Variants in TMPRSS9 observed in about 807,000 individuals in gnomAD.
The protein encoded by TMPRSS9 is transmembrane protease serine 9.
Under a neutral mutation model 111.4 loss-of-function variants are expected in TMPRSS9, and 113 were observed. The ratio of observed to expected loss-of-function variants is 1.01; its 90% CI spans 0.87 to 1.19. TMPRSS9 has a LOEUF of 1.19. TMPRSS9 is among the 50% of genes most tolerant of loss of function. TMPRSS9 has a pLI of 0.00. For synonymous variants in TMPRSS9, 805 were observed against 659.1 expected (o/e 1.22, Z -3.39); for missense variants, 1,803 against 1,513.1 (o/e 1.19, Z -3.18).
exon 14 of TMPRSS9, chr19:2,421,919 G>A (rs532383830): frequency 7.4e-6 from 12 of 1,612,994 alleles, no homozygotes; most frequent in Non-Finnish European, 9.3e-6. Flanking sequence ...CAGGGATCGT[G>A]AGCTGGGGTA....
chr19:2,391,261 T>TAAAAAAAAAAA (rs1555677770), intron 1 of TMPRSS9, among the ~76,000 whole-genome samples: 3 of 75,174 alleles, frequency 4.0e-5, no homozygotes, highest in African/African-American at 1.3e-4. Flanking sequence ...AAAAAAAAAG[T>TAAAAAAAAAAA]TAATTTTAAC....
rs758856472 is a variant in TMPRSS9 at position 2,416,822 on chromosome 19, C to A, written c.2017+13C>A. The A allele has an allele frequency of 6.3e-7, 1 of 1,594,828 alleles. No individual in the cohort carries two copies. Among genetic ancestry groups the A allele is most frequent in the South Asian group, 1.1e-5 (1 of 90,004 alleles). On this transcript the variant is annotated intron_variant, in intron 12 of 17. Transcript: ENST00000648592. ...CAGGAAGGAAATGGTGAGCGCTGCC[C>A]CATCGAGGGGAACGGTGGATTTATT... is the stretch of plus-strand genomic sequence containing the variant.
chr19:2,417,679 C>A (rs1971280879), intron 12 of TMPRSS9, among the ~76,000 whole-genome samples: 1 of 152,076 alleles, frequency 6.6e-6, no homozygotes, highest in South Asian at 2.1e-4. Context: ...CTCACTGGTG[C>A]TTGCTTGCGC....
intron 14 of TMPRSS9, among the ~76,000 whole-genome samples, chr19:2,423,060 T>TAAAA (rs558254831): frequency 3.0e-5 from 4 of 132,834 alleles, no homozygotes; most frequent in African/African-American, 8.3e-5. Flanking sequence ...CTAAAAAAAT[T>TAAAA]AAAAAAAAAA....
At chr19:2,374,807 ATGT>A (rs969555196) in intron 1 of TMPRSS9, among the ~76,000 whole-genome samples, 30 of 152,132 alleles carry the variant, frequency 2.0e-4, no homozygotes, top group African/African-American at 7.2e-4. Context: ...GATAAGCCTG[ATGT>A]TGTGTTGATT....
intron 1 of TMPRSS9, among the ~76,000 whole-genome samples, chr19:2,379,872 AAG>A (rs1970373389): frequency 6.6e-6 from 1 of 150,822 alleles, no homozygotes; most frequent in Admixed American, 6.6e-5. Flanking sequence ...CCTCAGCCTC[AAG>A]AGTAGCTGGG....
chr19:2,418,108 C>T, exon 13 of TMPRSS9: 2 of 1,612,112 alleles, frequency 1.2e-6, no homozygotes, highest in Non-Finnish European at 1.7e-6. Flanking sequence ...TCTGCGCAGG[C>T]TTCCTGGAAG....
At chr19:2,373,717 C>G (rs535804362) in intron 1 of TMPRSS9, among the ~76,000 whole-genome samples, 1 of 152,302 alleles carries the variant, frequency 6.6e-6, no homozygotes, top group East Asian at 1.9e-4. Flanking sequence ...CCAGGCTGGT[C>G]TCGAACTCCT....
chr19:2,416,531 T>C lies in TMPRSS9; in HGVS notation c.1746-7T>C. The C allele has an allele frequency of 1.9e-6, 3 of 1,600,882 alleles. No homozygotes were observed. Among genetic ancestry groups the C allele is most frequent in the Non-Finnish European group, 2.6e-6 (3 of 1,174,388 alleles). ...GGCAGGCATGTCTGAGGGCCCTGTC[T>C]CCATAGCACGAAGGTGGAGCAGGTT... is the stretch of plus-strand genomic sequence containing the variant. On this transcript the variant is annotated splice_region_variant and splice_polypyrimidine_tract_variant and intron_variant, in intron 11 of 17. Transcript: ENST00000648592.
chr19:2,418,222 T>C, intron 13 of TMPRSS9, 84 bp downstream of exon 14: 1 of 1,363,256 alleles, frequency 7.3e-7, no homozygotes, highest in Non-Finnish European at 1.0e-6. Context: ...TGTGCAGACC[T>C]AGATTTTTTT....
intron 1 of TMPRSS9, among the ~76,000 whole-genome samples, chr19:2,366,773 C>T (rs148510092): frequency 0.084 from 12,512 of 149,288 alleles, 731 homozygotes; most frequent in East Asian, 0.3. Flanking sequence ...AGGAGAATGG[C>T]GTGAACCCAG....
intron 1 of TMPRSS9, among the ~76,000 whole-genome samples, chr19:2,362,246 C>T (rs1444537456): frequency 4.0e-5 from 6 of 151,036 alleles, no homozygotes; most frequent in African/African-American, 7.3e-5. Context: ...GGTTGTGTGT[C>T]GATGGCTGTA....
At chr19:2,410,870 G>C (rs1350204632) in intron 9 of TMPRSS9, among the ~76,000 whole-genome samples, 1 of 152,140 alleles carries the variant, frequency 6.6e-6, no homozygotes, top group Non-Finnish European at 1.5e-5. Context: ...AACACCTCTT[G>C]TATGAATGAT....
intron 13 of TMPRSS9, among the ~76,000 whole-genome samples, chr19:2,419,605 C>A (rs1255093639): frequency 2.0e-5 from 3 of 151,954 alleles, no homozygotes; most frequent in Non-Finnish European, 4.4e-5. Context: ...CAACCTCTGC[C>A]TCCTGGGTTC....
chr19:2,418,306 T>TTTCC lies in TMPRSS9; in HGVS notation c.2154+169_2154+172dup, dbSNP rs1568189255. ...TCCTTTCCTCCTTTCCTTCCCTCCC[T>TTTCC]TTCCCTCCCTCCCTCCCTCCCTCCC... On this transcript the variant is annotated intron_variant, in intron 13 of 17. Transcript: ENST00000648592. Among the ~76,000 whole-genome samples the TTTCC allele has an allele frequency of 3.7e-3, 196 of 53,358 alleles. 1 individual carries two copies. The highest frequency in any genetic ancestry group is 7.9e-3 in the Admixed American group (41 of 5,216). 35.0% of individuals were successfully genotyped at this position (53,358 alleles called of 152,430 possible). A position where few individuals can be genotyped will look rare whatever the true frequency, so the allele number is the denominator to read the frequency against.
At chr19:2,413,024 T>C (rs900197919) in intron 9 of TMPRSS9, among the ~76,000 whole-genome samples, 7 of 151,974 alleles carry the variant, frequency 4.6e-5, no homozygotes, top group Non-Finnish European at 1.0e-4. Context: ...TGAAACCCCG[T>C]CTCTACTAAA....
intron 13 of TMPRSS9, among the ~76,000 whole-genome samples, chr19:2,419,258 C>T (rs1379752346): frequency 3.6e-4 from 51 of 140,698 alleles, no homozygotes; most frequent in South Asian, 6.9e-4. Flanking sequence ...GGCTGGAGTG[C>T]AGTGGTGCGA....
chr19:2,416,941 T>G (rs573959490), intron 12 of TMPRSS9, 132 bp downstream of exon 13: 22 of 1,234,654 alleles, frequency 1.8e-5, no homozygotes, highest in Non-Finnish European at 2.3e-5. Flanking sequence ...GGCTGATCCC[T>G]TTGTCTTTGG....
chr19:2,389,780 T>C, exon 1 of TMPRSS9: 1 of 1,611,050 alleles, frequency 6.2e-7, no homozygotes, highest in Non-Finnish European at 8.5e-7. Flanking sequence ...TGCGTGTCTC[T>C]GAGCCATGGA....
Sources: allele counts gnomAD v4.1 joint callset (sites outside exome capture counted in the v4.1 genomes callset), GRCh38; gene constraint gnomAD v4.1.1; transcripts MANE v1.5; gene names NCBI Gene and HGNC (gene_info 2026-07-23, HGNC 2026-07-21).